The following SYNPR variants were observed in gnomAD, a reference collection of about 807,000 sequenced individuals.
SYNPR encodes the protein synaptoporin.
In SYNPR, 23 loss-of-function variants were observed where a neutral mutation model predicts 32.9. The observed-to-expected ratio is 0.70, with a 90% confidence interval of 0.50 to 0.99. SYNPR has a LOEUF of 0.99. SYNPR is among the 50% of genes least tolerant of loss of function. SYNPR has a pLI of 0.00. For synonymous variants in SYNPR, 146 were observed against 135.9 expected (o/e 1.07, Z -0.52); for missense variants, 318 against 349.3 (o/e 0.91, Z 0.71).
In SYNPR at chr3:63,488,064, T is replaced by C. The variant is rs1374681882; in HGVS notation, c.209+7108T>C. Among the ~76,000 whole-genome samples the C allele has an allele frequency of 2.0e-5, 3 of 152,138 alleles. No individual in the cohort carries two copies. In the East Asian group the frequency reaches 5.8e-4, roughly 29 times the overall value. On this transcript the variant is annotated intron_variant, in intron 3 of 5. Transcript: ENST00000478300. ...AGTTTGGGCCATTATCTAGTAACGC[T>C]AGCTCTGCCAGGCAGAAAGAATTTT...
the SYNPR span, among the ~76,000 whole-genome samples, chr3:63,217,458 A>G: frequency 3.5e-5 from 2 of 57,012 alleles, 1 homozygote; most frequent in Non-Finnish European, 8.9e-5. Context: ...TTTGGGTGGG[A>G]GTGACCCGAT....
chr3:63,569,066 T>C (rs1017823162), intron 4 of SYNPR, among the ~76,000 whole-genome samples: 1 of 152,238 alleles, frequency 6.6e-6, no homozygotes, highest in Non-Finnish European at 1.5e-5. Context: ...TAAGACGAAG[T>C]AACTCTACTA....
At chr3:63,516,054 CA>C (rs1325905704) in intron 3 of SYNPR, among the ~76,000 whole-genome samples, 3 of 151,434 alleles carry the variant, frequency 2.0e-5, no homozygotes, top group South Asian at 2.1e-4. Flanking sequence ...TTATAATTTT[CA>C]AAAAAAATTA....
chr3:63,580,443 A>C (rs1179546695), intron 4 of SYNPR, among the ~76,000 whole-genome samples: 1 of 152,208 alleles, frequency 6.6e-6, no homozygotes, highest in African/African-American at 2.4e-5. Flanking sequence ...AATAAGGTAG[A>C]GATAATACCA....
intron 4 of SYNPR, among the ~76,000 whole-genome samples, chr3:63,577,928 G>A (rs1355698414): frequency 6.6e-6 from 1 of 152,156 alleles, no homozygotes; most frequent in African/African-American, 2.4e-5. Flanking sequence ...GAGGCAAGGA[G>A]GGGGATGTTT....
rs536668916 is a variant in SYNPR at position 63,367,017 on chromosome 3, G to T, written c.84+88275G>T. Among the ~76,000 whole-genome samples, 21 of 152,288 alleles carry T rather than the reference G, an allele frequency of 1.4e-4. No individual in the cohort carries two copies. The East Asian group carries it at 3.1e-3, about 22-fold the overall frequency. ...ACCCTGTGAGCTATGCACACTATATGTTTAAAATGGACAAATACCATTTTG... is the reference window on the plus strand; with the variant it reads ...ACCCTGTGAGCTATGCACACTATATTTTTAAAATGGACAAATACCATTTTG... On this transcript the variant is annotated intron_variant, in intron 2 of 5. Coordinates refer to ENST00000478300, the MANE Select transcript of SYNPR (RefSeq NM_001130003.2).
upstream of SYNPR, among the ~76,000 whole-genome samples, chr3:63,223,781 T>C (rs1306153614): frequency 6.6e-6 from 1 of 152,194 alleles, no homozygotes; most frequent in Non-Finnish European, 1.5e-5. Context: ...CACTATGTCA[T>C]TTAACTTTTT....
intron 2 of SYNPR, among the ~76,000 whole-genome samples, chr3:63,318,458 C>CT (rs2087069029): frequency 6.6e-6 from 1 of 151,768 alleles, no homozygotes; most frequent in Non-Finnish European, 1.5e-5. Flanking sequence ...TTTTCTTATT[C>CT]TTTTTTCTTT....
upstream of SYNPR, among the ~76,000 whole-genome samples, chr3:63,227,685 G>A (rs1168554619): frequency 3.9e-5 from 6 of 152,242 alleles, no homozygotes; most frequent in Non-Finnish European, 5.9e-5. Context: ...ATTACCATTC[G>A]AGGCAGGGAG....
intron 2 of SYNPR, among the ~76,000 whole-genome samples, chr3:63,414,769 C>G (rs1223512318): frequency 6.6e-6 from 1 of 152,144 alleles, no homozygotes; most frequent in Non-Finnish European, 1.5e-5. Context: ...CTATATAGAT[C>G]CCAATTGCAA....
intron 4 of SYNPR, among the ~76,000 whole-genome samples, chr3:63,583,220 C>A (rs1382730437): frequency 6.6e-6 from 1 of 151,938 alleles, no homozygotes; most frequent in African/African-American, 2.4e-5. Flanking sequence ...GGTGGAATGT[C>A]ATAAGGTTGG....
At chr3:63,225,123 C>T (rs1357625183), upstream of SYNPR, among the ~76,000 whole-genome samples, 1 of 152,232 alleles carries the variant, frequency 6.6e-6, no homozygotes, top group Non-Finnish European at 1.5e-5. Context: ...GCCCACAAAA[C>T]CCACAATTGC....
At chr3:63,417,723 G>T (rs754662998) in intron 2 of SYNPR, among the ~76,000 whole-genome samples, 4 of 152,204 alleles carry the variant, frequency 2.6e-5, no homozygotes, top group Non-Finnish European at 4.4e-5. Flanking sequence ...AGCTGCCAAG[G>T]CTTGGGGCTT....
intron 2 of SYNPR, among the ~76,000 whole-genome samples, chr3:63,255,717 G>C (rs1408477604): frequency 2.0e-5 from 3 of 152,172 alleles, no homozygotes; most frequent in African/African-American, 7.2e-5. Context: ...GAGGTACCAG[G>C]TTCATCTCAA....
At chr3:63,554,592 T>C (rs114947995) in intron 3 of SYNPR, among the ~76,000 whole-genome samples, 252 of 152,332 alleles carry the variant, frequency 1.7e-3, no homozygotes, top group African/African-American at 5.7e-3. Context: ...ACTAGTACCA[T>C]GCTGTTTTGG....
At chr3:63,609,659 C>A (rs919410210) in intron 5 of SYNPR, among the ~76,000 whole-genome samples, 8 of 152,158 alleles carry the variant, frequency 5.3e-5, no homozygotes, top group African/African-American at 1.9e-4. Flanking sequence ...ATAATCCCAG[C>A]AATTTAGGAG....
chr3:63,427,677 A>G (rs1236551416), intron 2 of SYNPR: 1 of 152,230 alleles, frequency 6.6e-6, no homozygotes, highest in Non-Finnish European at 1.5e-5. Context: ...TGGTTCTCCA[A>G]ACTGGTAGAT....
chr3:63,434,122 A>C (rs1700038801), intron 2 of SYNPR, among the ~76,000 whole-genome samples: 1 of 152,182 alleles, frequency 6.6e-6, no homozygotes. Context: ...ACATGGGGAG[A>C]AACAGACTTT....
At chr3:63,515,068 T>A (rs1701770031) in intron 3 of SYNPR, among the ~76,000 whole-genome samples, 1 of 152,172 alleles carries the variant, frequency 6.6e-6, no homozygotes, top group African/African-American at 2.4e-5. Flanking sequence ...TTCAACGGAT[T>A]CATGATGTGG....
Sources: allele counts gnomAD v4.1 joint callset (sites outside exome capture counted in the v4.1 genomes callset), GRCh38; gene constraint gnomAD v4.1.1; transcripts MANE v1.5; gene names NCBI Gene and HGNC (gene_info 2026-07-23, HGNC 2026-07-21).